NEXMIF: variants seen among roughly 807,000 people sequenced by gnomAD.
NEXMIF encodes XLMR protein related to neurite extension.
Under a neutral mutation model 62.1 loss-of-function variants are expected in NEXMIF, and 8 were observed. That is an observed-to-expected ratio of 0.13 (90% CI 0.08 to 0.23). NEXMIF has a LOEUF of 0.23. Among genes scored for constraint, NEXMIF ranks in the 10% least tolerant of loss-of-function variants. The pLI is 1.00. For synonymous variants in NEXMIF, 404 were observed against 416.6 expected (o/e 0.97, Z 0.37); for missense variants, 976 against 1,113.3 (o/e 0.88, Z 1.75).
At chrX:74,910,154 C>A (rs1263748423) in intron 1 of NEXMIF, among the ~76,000 whole-genome samples, 1 of 112,172 alleles carries the variant, frequency 8.9e-6, no homozygotes, top group Non-Finnish European at 1.9e-5. Context: ...AATGGTAGAT[C>A]CACTGAAAGC....
At chrX:74,850,480 C>A (rs1441976441) in intron 1 of NEXMIF, among the ~76,000 whole-genome samples, 1 of 111,920 alleles carries the variant, frequency 8.9e-6, no homozygotes, top group African/African-American at 3.2e-5. Context: ...GACAGGTATG[C>A]TAGGCCTACC....
chrX:74,766,777 T>C (rs2080196032), intron 1 of NEXMIF, among the ~76,000 whole-genome samples: 2 of 112,145 alleles, frequency 1.8e-5, no homozygotes, highest in Admixed American at 1.9e-4. Flanking sequence ...ACTAGTGTGA[T>C]CATTTGGAGG....
At chrX:74,785,492 A>G (rs113715965) in intron 1 of NEXMIF, among the ~76,000 whole-genome samples, 2 of 111,779 alleles carry the variant, frequency 1.8e-5, no homozygotes, top group African/African-American at 6.5e-5. Context: ...AACTAAAAAA[A>G]AAATTTTTTT....
intron 1 of NEXMIF, among the ~76,000 whole-genome samples, chrX:74,838,518 A>G (rs1229028550): frequency 8.9e-6 from 1 of 112,507 alleles, no homozygotes; most frequent in Non-Finnish European, 1.9e-5. Flanking sequence ...AGTTTCCTCT[A>G]TATTTGAACT....
chrX:74,881,304 T>C (rs1339379338), intron 1 of NEXMIF, among the ~76,000 whole-genome samples: 7 of 109,699 alleles, frequency 6.4e-5, no homozygotes, highest in East Asian at 2.9e-4. Context: ...CATTTCTTCA[T>C]AGCACAGTGA....
intron 1 of NEXMIF, among the ~76,000 whole-genome samples, chrX:74,774,664 T>TA (rs1350005267): frequency 1.8e-5 from 2 of 111,724 alleles, no homozygotes; most frequent in Non-Finnish European, 3.8e-5. Context: ...TAGTTGAGAA[T>TA]AAGATGAATG....
At chrX:74,873,060 T>C (rs1177948478) in intron 1 of NEXMIF, among the ~76,000 whole-genome samples, 5 of 110,167 alleles carry the variant, frequency 4.5e-5, no homozygotes, top group Non-Finnish European at 7.6e-5. Flanking sequence ...TACTTATGTA[T>C]ACATGTGCCA....
At chrX:74,829,752 G>A (rs1378866014) in intron 1 of NEXMIF, among the ~76,000 whole-genome samples, 2 of 111,486 alleles carry the variant, frequency 1.8e-5, no homozygotes. Flanking sequence ...ATTTTAACTG[G>A]GGTGAGATGA....
At chrX:74,903,366 A>ACACACG (rs2080755406) in intron 1 of NEXMIF, among the ~76,000 whole-genome samples, 2 of 106,333 alleles carry the variant, frequency 1.9e-5, no homozygotes, top group Middle Eastern at 4.8e-3. Flanking sequence ...ACACACACAC[A>ACACACG]CACACACACA....
intron 1 of NEXMIF, among the ~76,000 whole-genome samples, chrX:74,792,053 T>G (rs1470679249): frequency 9.2e-6 from 1 of 109,162 alleles, no homozygotes; most frequent in African/African-American, 3.3e-5. Context: ...TCTAGTTCTT[T>G]TAATTGTGAT....
At chrX:74,771,582 T>C (rs2080210447) in intron 1 of NEXMIF, among the ~76,000 whole-genome samples, 1 of 110,582 alleles carries the variant, frequency 9.0e-6, no homozygotes, top group Non-Finnish European at 1.9e-5. Flanking sequence ...AGTAGTGTTA[T>C]CTTCTTTTGG....
At chrX:74,884,589 GAACT>G (rs1482942984) in intron 1 of NEXMIF, among the ~76,000 whole-genome samples, 52 of 111,997 alleles carry the variant, frequency 4.6e-4, no homozygotes, top group African/African-American at 1.6e-3. Flanking sequence ...TCAACAAGAA[GAACT>G]AACTATCCTA....
intron 1 of NEXMIF, among the ~76,000 whole-genome samples, chrX:74,921,805 A>G (rs1419574029): frequency 8.1e-5 from 9 of 111,775 alleles, no homozygotes; most frequent in South Asian, 3.8e-4. Flanking sequence ...TCCTTAGTCA[A>G]TCATTCCCCT....
At position 74,740,827 on chromosome X, in the gene NEXMIF, C is replaced by T; in HGVS notation, c.3730G>A (p.Gly1244Arg). 2 of 1,212,039 alleles carry T rather than the reference C, an allele frequency of 1.7e-6. No homozygotes were observed. Among genetic ancestry groups the T allele is most frequent in the Non-Finnish European group, 1.1e-6 (1 of 895,530 alleles). The change falls in exon 3 of 4, where the codon GGG becomes AGG. Residue 1244 changes from glycine (G) to arginine (R), a missense_variant. Physicochemically the swap from Gly to Arg is moderately radical, Grantham distance 125. Around this residue, in one of 5 missense-constraint regions of NEXMIF, gnomAD observed 639 missense variants for 694.5 expected, o/e 0.92. Transcript: ENST00000055682. Reference protein sequence around the residue: ...GEKMQIGIGRGGSQTNTISST... With the variant: ...GEKMQIGIGRRGSQTNTISST... ...GATATGGTGTTGGTTTGGCTTCCCC[C>T]ACGGCCAATGCCAATTTGCATTTTC...
intron 1 of NEXMIF, among the ~76,000 whole-genome samples, chrX:74,904,428 G>A (rs999932800): frequency 8.9e-6 from 1 of 111,806 alleles, no homozygotes; most frequent in Non-Finnish European, 1.9e-5. Context: ...TAGCAAATAT[G>A]TGCCTTAAAA....
chrX:74,924,089 G>A (rs1780138952), intron 1 of NEXMIF, among the ~76,000 whole-genome samples: 1 of 111,941 alleles, frequency 8.9e-6, no homozygotes, highest in East Asian at 2.8e-4. Flanking sequence ...ATTCCTCAGC[G>A]GAACGGCGCC....
At chrX:74,814,394 T>C (rs1046458331) in intron 1 of NEXMIF, among the ~76,000 whole-genome samples, 4 of 112,058 alleles carry the variant, frequency 3.6e-5, no homozygotes, top group Admixed American at 1.9e-4. Context: ...CTGCTTTAAG[T>C]CAACATTCAC....
chrX:74,816,130 T>C (rs1386257050), intron 1 of NEXMIF, among the ~76,000 whole-genome samples: 2 of 111,909 alleles, frequency 1.8e-5, no homozygotes, highest in Non-Finnish European at 3.8e-5. Context: ...AAAAGTTTTC[T>C]CCACTAACCT....
Position 74,831,907 on chromosome X carries a change from T to C in NEXMIF, c.-47-86210A>G, listed in dbSNP as rs755847973. Among the ~76,000 whole-genome samples, 41 of 112,456 alleles carry C rather than the reference T, an allele frequency of 3.6e-4. 1 individual carries two copies. The highest frequency in any genetic ancestry group is 1.5e-3 in the Admixed American group (16 of 10,625). On this transcript the variant is annotated intron_variant, in intron 1 of 3. Coordinates refer to ENST00000055682, the MANE Select transcript of NEXMIF (RefSeq NM_001008537.3). ...TTTGTGCTACACTCCATTCATATGA[T>C]GTATCATATTGATTTGTGTATGCTG... is the stretch of plus-strand genomic sequence containing the variant.
Sources: gnomAD v4.1 joint callset for allele counts (sites outside exome capture counted in the v4.1 genomes callset) on GRCh38, gnomAD v4.1.1 for gene constraint, gnomAD v4.1.1 regional missense constraint, MANE v1.5 for transcripts, NCBI Gene and HGNC (gene_info 2026-07-23, HGNC 2026-07-21) for gene names.